Variants in PPP2R2A observed in about 807,000 individuals in gnomAD.
The protein encoded by PPP2R2A is serine/threonine-protein phosphatase 2A 55 kDa regulatory subunit B alpha isoform.
PPP2R2A carries 9 observed loss-of-function variants against 53.2 expected under a neutral mutation model. That is an observed-to-expected ratio of 0.17 (90% CI 0.10 to 0.30). PPP2R2A has a LOEUF of 0.30. Ranked by LOEUF, PPP2R2A falls within the 10% of genes least tolerant of loss-of-function variation. The probability of loss-of-function intolerance (pLI) is 1.00; values close to 1 mark genes in which losing one functional copy is unlikely to be tolerated. For missense variants in PPP2R2A, 235 were observed against 534.6 expected (o/e 0.44, Z 5.53); for synonymous variants, 169 against 174.2 (o/e 0.97, Z 0.23).
Position 26,362,535 on chromosome 8 carries a change from CTT to C in PPP2R2A, c.638-147_638-146del. On this transcript the variant is annotated intron_variant, in intron 6 of 9. Transcript: ENST00000380737. This position sits in a 1 kb window ranked among gnomAD's most constrained non-coding sequence, Gnocchi z 4.4. ...AAATTAAAAAAAAAAGTTTTAATCC[CTT>C]TGGAATTTATACTCATAAAAACAGT... 4.0e-6 allele frequency: 3 copies of C among 742,322 alleles called. No individual in the cohort carries two copies. The highest frequency in any genetic ancestry group is 6.3e-6 in the Non-Finnish European group (3 of 474,760). The allele number at this position is 742,322 out of a possible 1,614,324, so 46.0% of individuals were successfully genotyped here. A position where few individuals can be genotyped will look rare whatever the true frequency, so the allele number is the denominator to read the frequency against.
chr8:26,302,197 C>T (rs899467267), intron 2 of PPP2R2A, among the ~76,000 whole-genome samples: 2 of 152,174 alleles, frequency 1.3e-5, no homozygotes, highest in Non-Finnish European at 2.9e-5. Flanking sequence ...ATTTGGTGGA[C>T]ATTTTCTCAA....
chr8:26,319,133 T>C (rs919136722), intron 2 of PPP2R2A, among the ~76,000 whole-genome samples: 5 of 152,236 alleles, frequency 3.3e-5, no homozygotes, highest in African/African-American at 4.8e-5. Flanking sequence ...GTGACTGTTA[T>C]AGCGTATGTC....
chr8:26,334,084 T>C (rs193097402), intron 2 of PPP2R2A, among the ~76,000 whole-genome samples: 2 of 152,312 alleles, frequency 1.3e-5, no homozygotes, highest in Admixed American at 1.3e-4. Context: ...TCAATGTGTA[T>C]CTAAAATTGC....
intron 2 of PPP2R2A, among the ~76,000 whole-genome samples, chr8:26,306,072 C>G (rs959437564): frequency 1.3e-5 from 2 of 151,948 alleles, no homozygotes; most frequent in African/African-American, 4.8e-5. Flanking sequence ...ACTCAGGAGG[C>G]TGAGACAGGA....
At chr8:26,312,025 A>G (rs1296382942) in intron 2 of PPP2R2A, among the ~76,000 whole-genome samples, 3 of 144,122 alleles carry the variant, frequency 2.1e-5, no homozygotes, top group African/African-American at 7.3e-5. Flanking sequence ...CATATTTTTT[A>G]CATTATAAAT....
intron 4 of PPP2R2A, among the ~76,000 whole-genome samples, chr8:26,359,679 G>A (rs1804979090): frequency 6.6e-6 from 1 of 152,152 alleles, no homozygotes; most frequent in Non-Finnish European, 1.5e-5. Flanking sequence ...GTCCTATGGA[G>A]GCCTCTGTGG....
intron 2 of PPP2R2A, among the ~76,000 whole-genome samples, chr8:26,336,766 A>G (rs140140448): frequency 1.2e-4 from 18 of 152,098 alleles, no homozygotes; most frequent in African/African-American, 4.3e-4. Flanking sequence ...CTGTAGTACC[A>G]GCTATTCAAG....
intron 3 of PPP2R2A, among the ~76,000 whole-genome samples, chr8:26,352,540 G>T (rs1457652459): frequency 6.6e-6 from 1 of 152,176 alleles, no homozygotes; most frequent in Non-Finnish European, 1.5e-5. Context: ...AGAGAGGGGA[G>T]GCTAATGCAT....
intron 2 of PPP2R2A, among the ~76,000 whole-genome samples, chr8:26,301,337 TG>T (rs1296212503): frequency 6.6e-6 from 1 of 150,692 alleles, no homozygotes; most frequent in Non-Finnish European, 1.5e-5. Flanking sequence ...TTCTTTTTTT[TG>T]TTTTTTTTTT....
intron 2 of PPP2R2A, among the ~76,000 whole-genome samples, chr8:26,301,214 T>A (rs1005337988): frequency 4.6e-5 from 7 of 152,238 alleles, no homozygotes; most frequent in Non-Finnish European, 7.3e-5. Context: ...AACTCCTGTT[T>A]ATAACAAGGT....
intron 4 of PPP2R2A, among the ~76,000 whole-genome samples, chr8:26,357,616 T>C (rs1186300462): frequency 1.3e-5 from 2 of 152,170 alleles, no homozygotes; most frequent in Admixed American, 6.5e-5. Context: ...GTGTTACATA[T>C]ATGAATAATG....
chr8:26,306,069 A>AG, intron 2 of PPP2R2A, among the ~76,000 whole-genome samples: 1 of 152,192 alleles, frequency 6.6e-6, no homozygotes, highest in Non-Finnish European at 1.5e-5. Context: ...GCCACTCAGG[A>AG]GGCTGAGACA....
chr8:26,347,516 A>T (rs1804282205), intron 3 of PPP2R2A, among the ~76,000 whole-genome samples: 1 of 151,996 alleles, frequency 6.6e-6, no homozygotes, highest in African/African-American at 2.4e-5. Context: ...AGCATAGTTT[A>T]GAACAGATAT....
At chr8:26,351,631 G>T (rs552329769) in intron 3 of PPP2R2A, among the ~76,000 whole-genome samples, 14 of 152,198 alleles carry the variant, frequency 9.2e-5, no homozygotes, top group African/African-American at 3.1e-4. Flanking sequence ...TTTGGGAAGG[G>T]GTCGAGCTTC....
At chr8:26,333,282 T>C (rs1329231061) in intron 2 of PPP2R2A, among the ~76,000 whole-genome samples, 1 of 152,334 alleles carries the variant, frequency 6.6e-6, no homozygotes, top group East Asian at 1.9e-4. Flanking sequence ...CAAAAACAGG[T>C]TGTGGGCCGT....
chr8:26,302,257 G>T (rs1801821858), intron 2 of PPP2R2A, among the ~76,000 whole-genome samples: 1 of 152,222 alleles, frequency 6.6e-6, no homozygotes, highest in Non-Finnish European at 1.5e-5. Flanking sequence ...TGCCCATGAT[G>T]AAATTTGAGC....
intron 2 of PPP2R2A, among the ~76,000 whole-genome samples, chr8:26,315,683 T>C (rs779544584): frequency 1.3e-5 from 2 of 152,214 alleles, no homozygotes; most frequent in Non-Finnish European, 2.9e-5. Context: ...TGACAACCCC[T>C]TTTGCATGCT....
chr8:26,342,731 C>A (rs1203124919), intron 3 of PPP2R2A, among the ~76,000 whole-genome samples: 2 of 152,036 alleles, frequency 1.3e-5, no homozygotes, highest in South Asian at 4.1e-4. Context: ...GGATTTCATA[C>A]CCTCTGGCTT....
In PPP2R2A at chr8:26,292,004, C is replaced by T. The variant is rs1220490980; in HGVS notation, c.7+178C>T. The stretch of plus-strand genomic sequence containing the variant: ...GGAGGGCTCCCGGGAGGCAAGTGGT[C>T]ACGGTGAGAGTCACTGGGCTTGGAG... On this transcript the variant is annotated intron_variant, in intron 1 of 9. Coordinates refer to ENST00000380737, the MANE Select transcript of PPP2R2A (RefSeq NM_002717.4). The T allele has an allele frequency of 8.9e-6, 11 of 1,229,428 alleles. No individual in the cohort carries two copies. The African/African-American group carries it at 1.6e-4, about 18-fold the overall frequency. 76.2% of individuals were successfully genotyped at this position (1,229,428 alleles called of 1,614,324 possible). A position where few individuals can be genotyped will look rare whatever the true frequency, so the allele number is the denominator to read the frequency against.
Sources: allele counts gnomAD v4.1 joint callset (sites outside exome capture counted in the v4.1 genomes callset), GRCh38; gene constraint gnomAD v4.1.1; non-coding constraint Gnocchi (gnomAD v3.1); transcripts MANE v1.5; gene names NCBI Gene and HGNC (gene_info 2026-07-23, HGNC 2026-07-21).